CLEC16A: variants seen among roughly 807,000 people sequenced by gnomAD.
The protein encoded by CLEC16A is C-type lectin domain containing 16A.
In CLEC16A, 51 loss-of-function variants were observed where a neutral mutation model predicts 109.5. The ratio of observed to expected loss-of-function variants is 0.47; its 90% CI spans 0.37 to 0.59. The LOEUF is 0.59. Among genes scored for constraint, CLEC16A ranks in the 20% least tolerant of loss-of-function variants. The pLI, the probability that CLEC16A is intolerant of heterozygous loss-of-function variation, is 0.00. For missense variants in CLEC16A, 1,339 were observed against 1,394.0 expected (o/e 0.96, Z 0.63); for synonymous variants, 673 against 564.2 (o/e 1.19, Z -2.73).
At chr16:10,983,325 G>A (rs75491494) in intron 10 of CLEC16A, among the ~76,000 whole-genome samples, 2,211 of 152,360 alleles carry the variant, frequency 0.015, 52 homozygotes, top group African/African-American at 0.05. Context: ...GTTGGGCGAT[G>A]AACATCCATG....
chr16:11,085,961 G>C (rs1240829531), intron 19 of CLEC16A, among the ~76,000 whole-genome samples: 1 of 152,228 alleles, frequency 6.6e-6, no homozygotes, highest in Non-Finnish European at 1.5e-5. Flanking sequence ...TGTGGGAAGT[G>C]ACTTGGAGGC....
intron 19 of CLEC16A, among the ~76,000 whole-genome samples, chr16:11,094,175 T>C (rs1404376693): frequency 2.6e-5 from 4 of 152,134 alleles, no homozygotes; most frequent in Non-Finnish European, 4.4e-5. Flanking sequence ...CAGGGCCCCT[T>C]CCCAGCCTGT....
At chr16:11,160,640 G>A (rs572363677) in intron 22 of CLEC16A, among the ~76,000 whole-genome samples, 3 of 152,116 alleles carry the variant, frequency 2.0e-5, no homozygotes, top group Admixed American at 6.5e-5. Context: ...TCACATCCCC[G>A]CATTAACAAA....
intron 13 of CLEC16A, chr16:11,027,281 C>G (rs1441037872): frequency 1.3e-6 from 2 of 1,546,448 alleles, no homozygotes; most frequent in Non-Finnish European, 1.8e-6. Context: ...ATAAACATTC[C>G]TTGGCCTTTG....
intron 19 of CLEC16A, among the ~76,000 whole-genome samples, chr16:11,107,598 G>A (rs902491484): frequency 3.3e-5 from 5 of 152,178 alleles, no homozygotes; most frequent in Non-Finnish European, 7.3e-5. Context: ...GGATTATGAA[G>A]TCCCCCACCG....
intron 19 of CLEC16A, among the ~76,000 whole-genome samples, chr16:11,102,800 G>A (rs116343360): frequency 6.6e-6 from 1 of 152,358 alleles, no homozygotes; most frequent in African/African-American, 2.4e-5. Flanking sequence ...ACTCCTAAGT[G>A]CCAGGCACTA....
At chr16:11,137,572 G>C (rs2053627567) in intron 22 of CLEC16A, among the ~76,000 whole-genome samples, 2 of 133,702 alleles carry the variant, frequency 1.5e-5, no homozygotes, top group African/African-American at 5.6e-5. Context: ...CTGGGTGACA[G>C]AGCGAGACTC....
rs368190872 is a variant in CLEC16A at position 11,001,189 on chromosome 16, G to A, written c.1072-1885G>A. 9.9e-5 allele frequency among the ~76,000 whole-genome samples: 15 copies of A among 152,224 alleles called. No individual in the cohort carries two copies. In the East Asian group the frequency reaches 2.7e-3, roughly 27 times the overall value. Reference sequence around the variant, plus strand: ...GGCGCTCTGCCTCCTTGGCTCGAGCGATCCTTCTACCTCAGCCTCTGAAGT... The same window carrying A: ...GGCGCTCTGCCTCCTTGGCTCGAGCAATCCTTCTACCTCAGCCTCTGAAGT... On this transcript the variant is annotated intron_variant, in intron 10 of 23. Coordinates refer to ENST00000409790, the MANE Select transcript of CLEC16A (RefSeq NM_015226.3).
intron 12 of CLEC16A, among the ~76,000 whole-genome samples, chr16:11,021,698 T>C (rs1011074656): frequency 2.0e-5 from 3 of 152,134 alleles, no homozygotes; most frequent in Admixed American, 6.5e-5. Context: ...CTTGAGAGGC[T>C]GAGGTGGGAG....
chr16:10,949,105 T>A (rs1035623857), intron 1 of CLEC16A, among the ~76,000 whole-genome samples: 2 of 152,154 alleles, frequency 1.3e-5, no homozygotes, highest in Admixed American at 1.3e-4. Context: ...TGGTTCCCCA[T>A]GGGAGAATCA....
At chr16:11,094,132 CA>C (rs2050468493) in intron 19 of CLEC16A, among the ~76,000 whole-genome samples, 1 of 152,218 alleles carries the variant, frequency 6.6e-6, no homozygotes, top group Non-Finnish European at 1.5e-5. Flanking sequence ...GCCCTGGTCT[CA>C]ACCTTTCCTC....
chr16:10,948,940 C>G (rs1015688342), intron 1 of CLEC16A, among the ~76,000 whole-genome samples: 1 of 152,128 alleles, frequency 6.6e-6, no homozygotes, highest in Non-Finnish European at 1.5e-5. Flanking sequence ...ATTGAGTATC[C>G]CTGGACCAGC....
chr16:11,095,745 G>C (rs1055913320), intron 19 of CLEC16A, among the ~76,000 whole-genome samples: 2 of 149,770 alleles, frequency 1.3e-5, no homozygotes, highest in Non-Finnish European at 3.0e-5. Flanking sequence ...CCAGGAGGCA[G>C]AGGTTGCTAT....
intron 19 of CLEC16A, among the ~76,000 whole-genome samples, chr16:11,061,879 C>G (rs2048499040): frequency 1.3e-5 from 2 of 152,228 alleles, no homozygotes; most frequent in South Asian, 4.1e-4. Context: ...CGTCTCCCAA[C>G]TCTGCTTTCC....
chr16:11,160,262 T>C (rs1448504936), intron 22 of CLEC16A, among the ~76,000 whole-genome samples: 3 of 152,212 alleles, frequency 2.0e-5, no homozygotes, highest in Non-Finnish European at 4.4e-5. Context: ...AGAAAACTTT[T>C]GGTGCAAGCC....
At chr16:10,990,453 A>G (rs1037831780) in intron 10 of CLEC16A, among the ~76,000 whole-genome samples, 5 of 152,226 alleles carry the variant, frequency 3.3e-5, no homozygotes, top group Admixed American at 6.5e-5. Flanking sequence ...AATGTCCCTT[A>G]GTACTTGAGA....
At chr16:11,068,813 T>G in intron 19 of CLEC16A, among the ~76,000 whole-genome samples, 2 of 152,288 alleles carry the variant, frequency 1.3e-5, no homozygotes, top group South Asian at 4.1e-4. Flanking sequence ...TATTTAATTT[T>G]TAAAATTTAT....
At position 11,180,082 on chromosome 16, in the gene CLEC16A, C is replaced by T. The variant is rs2068911194; in HGVS notation, c.*1392C>T. On this transcript the variant is annotated 3_prime_UTR_variant, in exon 24 of 24. Transcript: ENST00000409790. ...CCTCCAGACCTGCCAGCAGATGTGC[C>T]CACCAGGGGCATTAGGTATCCGCCG... The T allele has an allele frequency of 2.6e-5, 4 of 152,314 alleles. No individual in the cohort carries two copies. 9.4% of individuals were successfully genotyped at this position (152,314 alleles called of 1,614,324 possible).
rs573002848 is a variant in CLEC16A at position 11,112,208 on chromosome 16, A to G, written c.2117-8407A>G. 1.5e-4 allele frequency among the ~76,000 whole-genome samples: 23 copies of G among 152,332 alleles called. No homozygotes were observed. In the South Asian group the frequency reaches 4.8e-3, roughly 32 times the overall value. On this transcript the variant is annotated intron_variant, in intron 19 of 23. Coordinates refer to ENST00000409790, the MANE Select transcript of CLEC16A (RefSeq NM_015226.3). Reference sequence around the variant, plus strand: ...TAGCCCCATGAGTGCTTGAAAATGCACAGTGGACAGGCAACAAGAGCCCGT... The same window carrying G: ...TAGCCCCATGAGTGCTTGAAAATGCGCAGTGGACAGGCAACAAGAGCCCGT...
Sources: gnomAD v4.1 joint callset for allele counts (sites outside exome capture counted in the v4.1 genomes callset) on GRCh38, gnomAD v4.1.1 for gene constraint, MANE v1.5 for transcripts, NCBI Gene and HGNC (gene_info 2026-07-23, HGNC 2026-07-21) for gene names.